Variants in SMG7 observed in about 807,000 individuals in gnomAD.
SMG7 encodes the protein nonsense-mediated mRNA decay factor SMG7.
A neutral mutation model predicts 148.2 loss-of-function variants in SMG7; 34 were observed. That is an observed-to-expected ratio of 0.23 (90% CI 0.17 to 0.31). The LOEUF is 0.31. SMG7 is among the 10% of genes least tolerant of loss of function. The pLI, the probability that SMG7 is intolerant of heterozygous loss-of-function variation, is 1.00. For synonymous variants in SMG7, 492 were observed against 515.1 expected (o/e 0.96, Z 0.61); for missense variants, 1,114 against 1,408.4 (o/e 0.79, Z 3.35).
At chr1:183,475,142 C>A (rs1478552938) in intron 1 of SMG7, among the ~76,000 whole-genome samples, 11 of 152,198 alleles carry the variant, frequency 7.2e-5, no homozygotes, top group Admixed American at 6.5e-5. Flanking sequence ...TAGTACACTG[C>A]ATGTCAGTAT....
chr1:183,517,896 T>C, intron 4 of SMG7, 76 bp downstream of exon 4: 1 of 1,427,752 alleles, frequency 7.0e-7, no homozygotes, highest in Non-Finnish European at 9.8e-7. Context: ...TCTTAATGCA[T>C]GTAAACAATT....
rs1229434106 is a variant in SMG7 at position 183,478,326 on chromosome 1, G to A, written c.29+5677G>A. Among the ~76,000 whole-genome samples, 6 of 152,148 alleles carry A rather than the reference G, an allele frequency of 3.9e-5. No homozygotes were observed. In the East Asian group the frequency reaches 5.8e-4, roughly 15 times the overall value. On this transcript the variant is annotated intron_variant, in intron 1 of 22. Coordinates refer to ENST00000688051, the MANE Select transcript of SMG7 (RefSeq NM_001375584.1). The stretch of plus-strand genomic sequence containing the variant: ...CAGAATGTAAAGTAGCTTTTGTCCC[G>A]GAATATCAGCCAAAGGTGGTGACAT...
At chr1:183,523,071 C>G (rs1345946636) in intron 4 of SMG7, among the ~76,000 whole-genome samples, 1 of 152,158 alleles carries the variant, frequency 6.6e-6, no homozygotes, top group African/African-American at 2.4e-5. Flanking sequence ...AAAGTAAAGA[C>G]ATACCATTCT....
intron 1 of SMG7, among the ~76,000 whole-genome samples, chr1:183,504,680 A>G (rs951895409): frequency 2.0e-5 from 3 of 152,194 alleles, no homozygotes; most frequent in South Asian, 2.1e-4. Flanking sequence ...TCTAGTCCAC[A>G]TGGCTCTTAA....
intron 4 of SMG7, among the ~76,000 whole-genome samples, chr1:183,526,028 T>C (rs369430942): frequency 2.0e-5 from 3 of 151,974 alleles, no homozygotes; most frequent in African/African-American, 4.8e-5. Context: ...AAATAATCTT[T>C]TTTTAAAATG....
chr1:183,544,657 A>T (rs1342638175), intron 15 of SMG7, among the ~76,000 whole-genome samples, 160 bp downstream of exon 15: 1 of 152,150 alleles, frequency 6.6e-6, no homozygotes, highest in African/African-American at 2.4e-5. Flanking sequence ...GTTTGTGTGT[A>T]GTGTACATAC....
intron 1 of SMG7, among the ~76,000 whole-genome samples, chr1:183,483,539 C>T (rs767729383): frequency 7.0e-4 from 107 of 152,084 alleles, no homozygotes; most frequent in Non-Finnish European, 1.2e-3. Context: ...GTTGAGAGAA[C>T]CACCATAGGA....
At position 183,541,026 on chromosome 1, in the gene SMG7, C is replaced by A. The variant is rs370644405; in HGVS notation, c.1338C>A (p.Asp446Glu). The change falls in exon 13 of 23, where the codon GAC becomes GAA. Residue 446 changes from aspartate (D) to glutamate (E), a missense_variant. Coordinates refer to ENST00000688051, the MANE Select transcript of SMG7 (RefSeq NM_001375584.1). ...FSKGHQGITG[D>E]KEGQQRRIRQ... Reference sequence around the variant, plus strand: ...AAGGTCACCAGGGTATTACAGGGGACAAAGAAGGCCAGCAACGACGAATAC... The same window carrying A: ...AAGGTCACCAGGGTATTACAGGGGAAAAAGAAGGCCAGCAACGACGAATAC... The A allele has an allele frequency of 9.3e-6, 15 of 1,613,342 alleles. No homozygotes were observed. The highest frequency in any genetic ancestry group is 1.3e-5 in the Non-Finnish European group (15 of 1,179,438).
intron 1 of SMG7, among the ~76,000 whole-genome samples, chr1:183,503,473 C>G (rs1449545060): frequency 6.6e-6 from 1 of 152,122 alleles, no homozygotes; most frequent in East Asian, 1.9e-4. Context: ...GTATCTGCCT[C>G]TGGTTTTATT....
chr1:183,477,362 C>T (rs1652494686), intron 1 of SMG7, among the ~76,000 whole-genome samples: 1 of 151,800 alleles, frequency 6.6e-6, no homozygotes, highest in African/African-American at 2.4e-5. Context: ...TGTTAGACTC[C>T]TTTACAGGAA....
At chr1:183,532,923 T>C (rs1667120230) in intron 8 of SMG7, among the ~76,000 whole-genome samples, 1 of 152,210 alleles carries the variant, frequency 6.6e-6, no homozygotes, top group African/African-American at 2.4e-5. Flanking sequence ...GAGAAAAAAG[T>C]TTGTTGATAA....
rs773465220 is a variant in SMG7 at position 183,552,893 on chromosome 1, C to T, written c.*962C>T. 4.8e-5 allele frequency: 70 copies of T among 1,470,712 alleles called. No homozygotes were observed. The highest frequency in any genetic ancestry group is 5.6e-5 in the Non-Finnish European group (62 of 1,113,264). The allele number at this position is 1,470,712 out of a possible 1,614,324, so 91.1% of individuals were successfully genotyped here. A position where few individuals can be genotyped will look rare whatever the true frequency, so the allele number is the denominator to read the frequency against. On this transcript the variant is annotated 3_prime_UTR_variant, in exon 23 of 23. Transcript: ENST00000688051. ...CCATTCTACTTCCCACCCTCCTGCC[C>T]CATCTCCATCCCTTCTTTTACCCAA... is the stretch of plus-strand genomic sequence containing the variant.
chr1:183,511,791 G>A (rs1192536690), intron 1 of SMG7, among the ~76,000 whole-genome samples: 2 of 152,218 alleles, frequency 1.3e-5, no homozygotes, highest in African/African-American at 2.4e-5. Context: ...GTTCTTGAAT[G>A]AGAGTGGCTG....
intron 1 of SMG7, among the ~76,000 whole-genome samples, chr1:183,476,944 T>C (rs778521946): frequency 2.6e-5 from 4 of 151,984 alleles, no homozygotes; most frequent in Non-Finnish European, 5.9e-5. Context: ...ATTCATTTGA[T>C]GGGGGTAGGA....
intron 1 of SMG7, among the ~76,000 whole-genome samples, chr1:183,492,292 A>G (rs1215724356): frequency 6.6e-6 from 1 of 152,190 alleles, no homozygotes; most frequent in East Asian, 1.9e-4. Context: ...TGTTTTTCCC[A>G]TTAAATTACT....
chr1:183,541,135 T>A, intron 13 of SMG7, 32 bp downstream of exon 13: 1 of 1,604,824 alleles, frequency 6.2e-7, no homozygotes, highest in Non-Finnish European at 8.5e-7. Context: ...TACCCCTTTT[T>A]AACCACCTTT....
intron 8 of SMG7, among the ~76,000 whole-genome samples, chr1:183,531,268 C>T (rs1449980947): frequency 1.3e-5 from 2 of 152,052 alleles, no homozygotes; most frequent in East Asian, 1.9e-4. Flanking sequence ...AAGTTGAGGT[C>T]CACTAAGGGA....
chr1:183,517,201 A>G (rs1251671092), intron 3 of SMG7, among the ~76,000 whole-genome samples: 2 of 152,250 alleles, frequency 1.3e-5, no homozygotes, highest in Non-Finnish European at 2.9e-5. Flanking sequence ...AAACAAAACT[A>G]TTAAATAGCA....
rs752345579 is a variant in SMG7, at chr1:183,542,216, G to T, written c.1556G>T (p.Gly519Val). Reference sequence around the variant, plus strand: ...GTGATAGAGTCGCTGGCTGCAGATGGGAGCCCAGGGCTAAAATCAGTGCTA... The same window carrying T: ...GTGATAGAGTCGCTGGCTGCAGATGTGAGCCCAGGGCTAAAATCAGTGCTA... ...TSVIESLAAD[G>V]SPGLKSVLST... is the part of the protein sequence containing the mutation. The change falls in exon 14 of 23, where the codon GGG (glycine) becomes GTG (valine). Residue 519 changes from glycine (G) to valine (V), a missense_variant. Around this residue, in one of 4 missense-constraint regions of SMG7, gnomAD observed 788 missense variants for 894.5 expected, o/e 0.88. Coordinates refer to ENST00000688051, the MANE Select transcript of SMG7 (RefSeq NM_001375584.1). 1 of 1,614,084 alleles carries T rather than the reference G, an allele frequency of 6.2e-7. No individual in the cohort carries two copies. The highest frequency in any genetic ancestry group is 1.7e-5 in the Admixed American group (1 of 60,008).
Sources: allele counts gnomAD v4.1 joint callset (sites outside exome capture counted in the v4.1 genomes callset), GRCh38; gene constraint gnomAD v4.1.1; regional missense constraint gnomAD v4.1.1; transcripts MANE v1.5; gene names NCBI Gene and HGNC (gene_info 2026-07-23, HGNC 2026-07-21).